ZCCHC7: variants seen among roughly 807,000 people sequenced by gnomAD.
The protein encoded by ZCCHC7 is zinc finger CCHC domain-containing protein 7.
In ZCCHC7, 35 loss-of-function variants were observed where a neutral mutation model predicts 52.0. The ratio of observed to expected loss-of-function variants is 0.67; its 90% CI spans 0.51 to 0.89. The LOEUF (loss-of-function observed/expected upper bound fraction) is 0.89, where lower values mean the gene tolerates loss of function less well. ZCCHC7 is among the 40% of genes least tolerant of loss of function. The probability of loss-of-function intolerance (pLI) is 0.00; values close to 1 mark genes in which losing one functional copy is unlikely to be tolerated. For missense variants in ZCCHC7, 574 were observed against 649.1 expected (o/e 0.88, Z 1.26); for synonymous variants, 217 against 221.5 (o/e 0.98, Z 0.18).
intron 2 of ZCCHC7, among the ~76,000 whole-genome samples, chr9:37,176,008 G>A (rs1183276333): frequency 6.6e-6 from 1 of 152,124 alleles, no homozygotes; most frequent in African/African-American, 2.4e-5. Context: ...GGTTGAATAT[G>A]GCAATTTCAT....
chr9:37,182,885 C>G, intron 2 of ZCCHC7, among the ~76,000 whole-genome samples: 1 of 152,148 alleles, frequency 6.6e-6, no homozygotes, highest in Non-Finnish European at 1.5e-5. Context: ...ACTCAGCAGG[C>G]TGAGGCAGGC....
intron 7 of ZCCHC7, among the ~76,000 whole-genome samples, chr9:37,351,634 T>C (rs1193955725): frequency 6.6e-6 from 1 of 152,190 alleles, no homozygotes; most frequent in African/African-American, 2.4e-5. Context: ...AGAATTATCA[T>C]CTCTAGATCT....
At chr9:37,175,061 G>A (rs959165137) in intron 2 of ZCCHC7, among the ~76,000 whole-genome samples, 5 of 151,420 alleles carry the variant, frequency 3.3e-5, no homozygotes, top group Non-Finnish European at 5.9e-5. Flanking sequence ...GCGTGAACCC[G>A]GGAGGTGGAT....
At chr9:37,328,844 G>T (rs1830347566) in intron 6 of ZCCHC7, among the ~76,000 whole-genome samples, 1 of 151,904 alleles carries the variant, frequency 6.6e-6, no homozygotes, top group African/African-American at 2.4e-5. Flanking sequence ...CACATTTTGT[G>T]ATTACCATTT....
intron 6 of ZCCHC7, 39 bp from the exon 7 acceptor site, chr9:37,349,318 T>C: frequency 6.3e-7 from 1 of 1,597,700 alleles, no homozygotes; most frequent in African/African-American, 1.3e-5. Flanking sequence ...TTAATTTTCT[T>C]CTAACATCAA....
At chr9:37,278,415 T>C (rs1827792642) in intron 2 of ZCCHC7, among the ~76,000 whole-genome samples, 1 of 152,154 alleles carries the variant, frequency 6.6e-6, no homozygotes, top group Admixed American at 6.5e-5. Context: ...ATTGAAAATA[T>C]CAGTGAACTT....
chr9:37,229,315 T>G (rs1480232721), intron 2 of ZCCHC7, among the ~76,000 whole-genome samples: 1 of 152,168 alleles, frequency 6.6e-6, no homozygotes, highest in Non-Finnish European at 1.5e-5. Flanking sequence ...ATGGGCAACT[T>G]TTTACAGTAT....
chr9:37,283,857 T>A (rs1431093116), intron 2 of ZCCHC7, among the ~76,000 whole-genome samples: 1 of 152,126 alleles, frequency 6.6e-6, no homozygotes, highest in Non-Finnish European at 1.5e-5. Context: ...GAATGAAACA[T>A]TCCACTGCCC....
chr9:37,202,569 C>G (rs1823690561), intron 2 of ZCCHC7, among the ~76,000 whole-genome samples: 1 of 152,184 alleles, frequency 6.6e-6, no homozygotes, highest in Non-Finnish European at 1.5e-5. Flanking sequence ...GTAACCTCCA[C>G]CTCTTGGGCT....
intron 2 of ZCCHC7, among the ~76,000 whole-genome samples, chr9:37,144,603 ATATTCT>A (rs1269648369): frequency 6.6e-6 from 1 of 151,876 alleles, no homozygotes; most frequent in Non-Finnish European, 1.5e-5. Context: ...GATTTAGATA[ATATTCT>A]TATTGTTTTA....
At chr9:37,161,507 G>A (rs932740914) in intron 2 of ZCCHC7, among the ~76,000 whole-genome samples, 11 of 151,950 alleles carry the variant, frequency 7.2e-5, no homozygotes, top group Non-Finnish European at 1.2e-4. Context: ...CCTGGCAGGC[G>A]GAGCTTGCAG....
chr9:37,319,323 G>T (rs1829960966), intron 5 of ZCCHC7, among the ~76,000 whole-genome samples: 1 of 152,044 alleles, frequency 6.6e-6, no homozygotes, highest in Admixed American at 6.6e-5. Context: ...TCCATAGTTT[G>T]TCTTCTTATT....
intron 2 of ZCCHC7, among the ~76,000 whole-genome samples, chr9:37,299,686 A>G (rs1386591080): frequency 6.6e-6 from 1 of 152,348 alleles, no homozygotes; most frequent in East Asian, 1.9e-4. Context: ...CCTTGGAGCC[A>G]TGGCAGGGAC....
chr9:37,219,614 G>A (rs963931229), intron 2 of ZCCHC7, among the ~76,000 whole-genome samples: 2 of 151,968 alleles, frequency 1.3e-5, no homozygotes, highest in African/African-American at 2.4e-5. Flanking sequence ...TTTTCCTAAG[G>A]GATATAAAAA....
intron 5 of ZCCHC7, among the ~76,000 whole-genome samples, chr9:37,325,411 T>C (rs868223888): frequency 6.6e-6 from 1 of 152,230 alleles, no homozygotes; most frequent in South Asian, 2.1e-4. Context: ...AGTATTTTTT[T>C]AATTAGACCA....
intron 2 of ZCCHC7, among the ~76,000 whole-genome samples, chr9:37,250,857 T>C (rs1227565425): frequency 6.6e-6 from 1 of 152,250 alleles, no homozygotes; most frequent in Non-Finnish European, 1.5e-5. Flanking sequence ...TATGAGTTAC[T>C]TTGTAAAGTG....
intron 2 of ZCCHC7, among the ~76,000 whole-genome samples, chr9:37,191,394 C>G (rs1305038086): frequency 6.6e-6 from 1 of 151,826 alleles, no homozygotes; most frequent in Non-Finnish European, 1.5e-5. Context: ...CATATTTTTT[C>G]TCCTTTCTCT....
At chr9:37,205,765 C>T (rs1271418506) in intron 2 of ZCCHC7, among the ~76,000 whole-genome samples, 1 of 152,196 alleles carries the variant, frequency 6.6e-6, no homozygotes, top group Non-Finnish European at 1.5e-5. Flanking sequence ...ATCCACCTGC[C>T]TTGGCTTCCC....
Position 37,130,334 on chromosome 9 carries a change from C to CTTTT in ZCCHC7, c.610+3419_610+3422dup, listed in dbSNP as rs34589957. Among the ~76,000 whole-genome samples, 127 of 63,142 alleles carry CTTTT rather than the reference C, an allele frequency of 2.0e-3. 22 individuals are homozygous for CTTTT. The highest frequency in any genetic ancestry group is 3.3e-3 in the Admixed American group (13 of 3,898). The allele number at this position is 63,142 out of a possible 152,430, so 41.4% of individuals were successfully genotyped here. ...GCTAAGTAATTTACGGAATTCTCTC[C>CTTTT]TTTTTTTTTTTTTTTTTTTTTTTTT... On this transcript the variant is annotated intron_variant, in intron 2 of 8. Transcript: ENST00000336755.
Sources: gnomAD v4.1 joint callset for allele counts (sites outside exome capture counted in the v4.1 genomes callset) on GRCh38, gnomAD v4.1.1 for gene constraint, MANE v1.5 for transcripts, NCBI Gene and HGNC (gene_info 2026-07-23, HGNC 2026-07-21) for gene names.